BRCA1: variants seen among roughly 807,000 people sequenced by gnomAD.
The protein encoded by BRCA1 is breast cancer type 1 susceptibility protein.
BRCA1 carries 140 observed loss-of-function variants against 173.7 expected under a neutral mutation model. That is an observed-to-expected ratio of 0.81 (90% CI 0.70 to 0.93). The LOEUF is 0.93. Among genes scored for constraint, BRCA1 ranks in the 40% least tolerant of loss-of-function variants. BRCA1 has a pLI of 0.00. For missense variants in BRCA1, 1,983 were observed against 2,172.5 expected (o/e 0.91, Z 1.73); for synonymous variants, 662 against 756.0 (o/e 0.88, Z 2.04).
chr17:43,094,908 T>TA lies in BRCA1; in HGVS notation c.671-49dup, dbSNP rs273902784. ...AGGTACTCAAAAACTGAATTGTCAT[T>TA]AAAAAAATACATACTTCATACACCT... On this transcript the variant is annotated intron_variant, in intron 9 of 22. Transcript: ENST00000357654. The TA allele has an allele frequency of 5.3e-6, 8 of 1,515,576 alleles. No individual in the cohort carries two copies. Among genetic ancestry groups the TA allele is most frequent in the Non-Finnish European group, 7.2e-6 (8 of 1,113,704 alleles). 93.9% of individuals were successfully genotyped at this position (1,515,576 alleles called of 1,614,324 possible). A position where few individuals can be genotyped will look rare whatever the true frequency, so the allele number is the denominator to read the frequency against.
At chr17:43,059,706 TC>T (rs1319163868) in intron 18 of BRCA1, among the ~76,000 whole-genome samples, 1 of 152,042 alleles carries the variant, frequency 6.6e-6, no homozygotes, top group Non-Finnish European at 1.5e-5. Context: ...CATTAGCAAG[TC>T]CTCTCTTCAA....
chr17:43,108,732 A>G (rs1280854034), intron 3 of BRCA1, among the ~76,000 whole-genome samples: 5 of 148,702 alleles, frequency 3.4e-5, no homozygotes, highest in South Asian at 2.1e-4. Context: ...AAAAAAAAAA[A>G]GGCCAGGAGC....
chr17:43,136,092 A>G (rs112728823), intron 1 of BRCA1, among the ~76,000 whole-genome samples: 60 of 152,364 alleles, frequency 3.9e-4, no homozygotes, highest in African/African-American at 1.4e-3. Context: ...CAGGAGTTCA[A>G]AACCAGCCTG....
intron 1 of BRCA1, chr17:43,145,102 A>G (rs1344489387): frequency 1.4e-6 from 1 of 739,836 alleles, no homozygotes; most frequent in African/African-American, 1.7e-5. Context: ...CAGACACAAA[A>G]GTGCAAAAAA....
chr17:43,123,175 T>C (rs1441525003), intron 2 of BRCA1, among the ~76,000 whole-genome samples: 2 of 151,904 alleles, frequency 1.3e-5, no homozygotes, highest in African/African-American at 2.4e-5. Flanking sequence ...GAGGCTGCAG[T>C]GAGCTGTGAT....
Position 43,119,590 on chromosome 17 carries a change from A to G in BRCA1, c.81-3811T>C, listed in dbSNP as rs575912798. On this transcript the variant is annotated intron_variant, in intron 2 of 22. Coordinates refer to ENST00000357654, the MANE Select transcript of BRCA1 (RefSeq NM_007294.4). ...GCTTCACAACCTGAGATGACTTGGG[A>G]AAAATGCTTCACAACCTGAGATAAC... 2.0e-5 allele frequency among the ~76,000 whole-genome samples: 3 copies of G among 152,328 alleles called. No homozygotes were observed. In the East Asian group the frequency reaches 5.8e-4, roughly 29 times the overall value.
Position 43,076,588 on chromosome 17 carries a change from C to T in BRCA1, c.4384G>A (p.Glu1462Lys), listed in dbSNP as rs141255461. ...TCTGGATTCTGGCTTATAGGGTATT[C>T]ACTACTTTTCTGTGAAGTTAATACT... is the stretch of plus-strand genomic sequence containing the variant. ...KAVLTSQKSSEYPISQNPEGL... is the reference protein window; with the variant it reads ...KAVLTSQKSSKYPISQNPEGL... The change falls in exon 13 of 23, where the codon GAA becomes AAA. Residue 1462 changes from glutamate to lysine, a missense_variant. Physicochemically the swap from Glu to Lys is moderately conservative, Grantham distance 56 (BLOSUM62 1). Transcript: ENST00000357654. 6.2e-7 allele frequency: 1 copy of T among 1,613,442 alleles called. No homozygotes were observed. Among genetic ancestry groups the T allele is most frequent in the African/African-American group, 1.3e-5 (1 of 74,864 alleles).
intron 12 of BRCA1, among the ~76,000 whole-genome samples, chr17:43,081,965 C>A (rs1440041992): frequency 6.6e-6 from 1 of 152,144 alleles, no homozygotes; most frequent in Non-Finnish European, 1.5e-5. Context: ...AAGTGCAGTT[C>A]CTGAAGTATA....
intron 2 of BRCA1, chr17:43,119,243 A>G (rs1282109250): frequency 4.7e-6 from 1 of 210,532 alleles, no homozygotes; most frequent in Non-Finnish European, 9.6e-6. Context: ...AAGGCGGGCC[A>G]GCCTGGGTGA....
At chr17:43,067,364 C>T (rs2052136227) in intron 16 of BRCA1, 2 of 382,018 alleles carry the variant, frequency 5.2e-6, no homozygotes, top group Non-Finnish European at 9.9e-6. Context: ...AAGTGATTCT[C>T]CTGCCTCAGC....
chr17:43,147,523 G>T (rs1049684365), intron 1 of BRCA1, among the ~76,000 whole-genome samples: 13 of 151,992 alleles, frequency 8.6e-5, no homozygotes, highest in African/African-American at 2.9e-4. Flanking sequence ...GGTCAGGCTG[G>T]TCTCAAACTC....
intron 11 of BRCA1, among the ~76,000 whole-genome samples, chr17:43,090,477 G>A (rs1463409283): frequency 1.3e-5 from 2 of 152,122 alleles, no homozygotes; most frequent in East Asian, 1.9e-4. Context: ...AGGTTCAGGC[G>A]ATTCTCCTGT....
At chr17:43,120,921 G>A (rs896332215) in intron 2 of BRCA1, among the ~76,000 whole-genome samples, 9 of 151,454 alleles carry the variant, frequency 5.9e-5, no homozygotes, top group African/African-American at 1.7e-4. Flanking sequence ...AAAATTAGCC[G>A]GCCACGGTGG....
In BRCA1 at chr17:43,048,026, A is replaced by T. The variant is rs555106894; in HGVS notation, c.5407-323T>A. ...TGGGCTCAACTTCACCCCCGGGATTATAGGCATGAGCCACCGCACCCAGCC... is the reference window on the plus strand; with the variant it reads ...TGGGCTCAACTTCACCCCCGGGATTTTAGGCATGAGCCACCGCACCCAGCC... On this transcript the variant is annotated intron_variant, in intron 21 of 22. Coordinates refer to ENST00000357654, the MANE Select transcript of BRCA1 (RefSeq NM_007294.4). 2.6e-5 allele frequency among the ~76,000 whole-genome samples: 4 copies of T among 152,002 alleles called. 1 individual carries two copies. Among genetic ancestry groups the T allele is most frequent in the Admixed American group, 2.6e-4 (4 of 15,250 alleles).
At chr17:43,110,415 G>A (rs933431520) in intron 3 of BRCA1, 2 of 255,218 alleles carry the variant, frequency 7.8e-6, no homozygotes, top group Non-Finnish European at 8.2e-6. Flanking sequence ...GCGAAACCCC[G>A]TCTCTACAGA....
intron 1 of BRCA1, among the ~76,000 whole-genome samples, chr17:43,142,914 TTGTGTGTG>T (rs369108034): frequency 4.3e-5 from 6 of 140,706 alleles, no homozygotes; most frequent in East Asian, 2.0e-4. Context: ...CGGCTAATTT[TTGTGTGTG>T]TGTGTGTGTG....
rs80358001 is a variant in BRCA1 at position 43,104,858 on chromosome 17, C to T, written c.301+10G>A. 5 of 1,610,328 alleles carry T rather than the reference C, an allele frequency of 3.1e-6. No individual in the cohort carries two copies. The African/African-American group carries it at 6.7e-5, about 22-fold the overall frequency. On this transcript the variant is annotated intron_variant, in intron 5 of 22. Transcript: ENST00000357654. ...ACTTGAGTGTCATTCTTGGGATATT[C>T]AACACTTACACTCCAAACCTGTGTC... is the stretch of plus-strand genomic sequence containing the variant.
chr17:43,153,899 G>T (rs531105887), intron 1 of BRCA1, among the ~76,000 whole-genome samples: 5 of 152,308 alleles, frequency 3.3e-5, no homozygotes, highest in East Asian at 1.9e-4. Context: ...AAAATAATAA[G>T]CTTAAGGCTG....
chr17:43,051,927 G>A (rs552774490), intron 19 of BRCA1, among the ~76,000 whole-genome samples: 4 of 152,246 alleles, frequency 2.6e-5, no homozygotes, highest in South Asian at 4.1e-4. Flanking sequence ...AAGCCACTGC[G>A]CCCGGCCCTC....
Sources: gnomAD v4.1 joint callset for allele counts (sites outside exome capture counted in the v4.1 genomes callset) on GRCh38, gnomAD v4.1.1 for gene constraint, MANE v1.5 for transcripts, NCBI Gene and HGNC (gene_info 2026-07-23, HGNC 2026-07-21) for gene names.